TAOK1: variants seen among roughly 807,000 people sequenced by gnomAD.
TAOK1 encodes serine/threonine-protein kinase TAO1.
In TAOK1, 21 loss-of-function variants were observed where a neutral mutation model predicts 138.3. The observed-to-expected ratio is 0.15, with a 90% CI of 0.11 to 0.22. The LOEUF is 0.22. Ranked by LOEUF, TAOK1 falls within the 10% of genes least tolerant of loss-of-function variation. TAOK1 has a pLI of 1.00. For synonymous variants in TAOK1, 361 were observed against 398.4 expected, an observed-to-expected ratio of 0.91 and a Z score of 1.12; for missense variants, 651 against 1,227.7, an observed-to-expected ratio of 0.53 and a Z score of 7.02.
At chr17:29,480,615 T>C in intron 7 of TAOK1, 134 bp downstream of exon 7, 1 of 680,910 alleles carries the variant, frequency 1.5e-6, no homozygotes. Context: ...ACACCTGTAA[T>C]CCCAGAACTT....
intron 3 of TAOK1, among the ~76,000 whole-genome samples, chr17:29,470,285 G>A (rs1158693783): frequency 1.3e-5 from 2 of 152,132 alleles, no homozygotes; most frequent in African/African-American, 4.8e-5. Flanking sequence ...TTCCTGATAG[G>A]TATAGGTATT....
intron 1 of TAOK1, among the ~76,000 whole-genome samples, chr17:29,410,518 G>T (rs554217490): frequency 7.9e-5 from 12 of 151,850 alleles, no homozygotes; most frequent in African/African-American, 2.9e-4. Context: ...CTCCCAAAGT[G>T]CTGGGATAAC....
intron 1 of TAOK1, among the ~76,000 whole-genome samples, chr17:29,392,211 G>A (rs1037447370): frequency 6.6e-6 from 1 of 151,512 alleles, no homozygotes; most frequent in African/African-American, 2.4e-5. Flanking sequence ...GCGAGACTCC[G>A]TTTCAAAAAA....
At chr17:29,397,497 GGAA>G (rs1204117325) in intron 1 of TAOK1, among the ~76,000 whole-genome samples, 1 of 151,148 alleles carries the variant, frequency 6.6e-6, no homozygotes, top group East Asian at 1.9e-4. Flanking sequence ...CAGCTACTCA[GGAA>G]GTTGAGGCAG....
At chr17:29,472,775 C>T (rs2030853449) in intron 3 of TAOK1, among the ~76,000 whole-genome samples, 1 of 151,768 alleles carries the variant, frequency 6.6e-6, no homozygotes. Flanking sequence ...AGGGTTTCTC[C>T]ATGTCGGTCA....
chr17:29,468,135 A>ATTTTTCTTTTTTTTTTTTT (rs2030721009), intron 3 of TAOK1, among the ~76,000 whole-genome samples: 1 of 76,058 alleles, frequency 1.3e-5, no homozygotes. Flanking sequence ...CCTGCTTTCA[A>ATTTTTCTTTTTTTTTTTTT]TTTTTTTTTT....
rs189687146 is a variant in TAOK1, at chr17:29,484,931, T to G, written c.655+2643T>G. 2.4e-3 allele frequency among the ~76,000 whole-genome samples: 366 copies of G among 152,288 alleles called. 1 individual carries two copies. Among genetic ancestry groups the G allele is most frequent in the Non-Finnish European group, 2.9e-3 (200 of 68,012 alleles). On this transcript the variant is annotated intron_variant, in intron 8 of 19. Transcript: ENST00000261716. The stretch of plus-strand genomic sequence containing the variant: ...AAATCCGATTCAGTCTTGGGACACA[T>G]ATTTATGATAATATCCTTTTCTACT...
intron 3 of TAOK1, among the ~76,000 whole-genome samples, chr17:29,473,724 CT>C (rs1172221975): frequency 3.3e-5 from 5 of 151,502 alleles, no homozygotes; most frequent in Non-Finnish European, 7.4e-5. Flanking sequence ...ACTTTTCTTT[CT>C]TTCTTTTTCT....
Position 29,489,746 on chromosome 17 carries a change from G to A in TAOK1, c.738G>A (p.Gln246=), listed in dbSNP as rs767690384. 5 of 1,600,816 alleles carry A rather than the reference G, an allele frequency of 3.1e-6. No individual in the cohort carries two copies. The South Asian group carries it at 5.6e-5, about 18-fold the overall frequency. Reference sequence around the variant, plus strand: ...CCCAAAATGAATCCCCTACACTACAGTCTAATGAATGGTGAGTATTGTTAA... The same window carrying A: ...CCCAAAATGAATCCCCTACACTACAATCTAATGAATGGTGAGTATTGTTAA... The part of the protein sequence containing the change: ...HIAQNESPTL[Q]SNEWSDYFRN... The change falls in exon 9 of 20, where the codon CAG becomes CAA. Residue 246 remains glutamine (Q), a synonymous_variant. Coordinates refer to ENST00000261716, the MANE Select transcript of TAOK1 (RefSeq NM_020791.4).
At chr17:29,438,490 G>A (rs1906108334) in intron 1 of TAOK1, among the ~76,000 whole-genome samples, 1 of 152,160 alleles carries the variant, frequency 6.6e-6, no homozygotes, top group African/African-American at 2.4e-5. Context: ...TTCGAGAATA[G>A]CGTGGGTAAC....
intron 10 of TAOK1, among the ~76,000 whole-genome samples, chr17:29,494,329 A>T (rs2031366856): frequency 6.6e-6 from 1 of 151,746 alleles, no homozygotes. Flanking sequence ...CAGGAGTTTA[A>T]CTCTACCCCC....
At chr17:29,416,376 A>G (rs1178650727) in intron 1 of TAOK1, among the ~76,000 whole-genome samples, 1 of 152,010 alleles carries the variant, frequency 6.6e-6, no homozygotes, top group Non-Finnish European at 1.5e-5. Flanking sequence ...ATTTCAACGC[A>G]TAGAGAGAAA....
rs1275882965 is a variant in TAOK1 at position 29,455,969 on chromosome 17, T to A, written c.132+4289T>A. ...TCTAGTGTTGGCATCAGGGTAATAC[T>A]GGCTTCATAGGGTGAGTTAGGAAGT... is the stretch of plus-strand genomic sequence containing the variant. On this transcript the variant is annotated intron_variant, in intron 2 of 19. Transcript: ENST00000261716. 1.3e-5 allele frequency among the ~76,000 whole-genome samples: 2 copies of A among 150,344 alleles called. 1 individual carries two copies. The highest frequency in any genetic ancestry group is 5.0e-5 in the African/African-American group (2 of 39,686).
At chr17:29,452,267 A>AG (rs2030259494) in intron 2 of TAOK1, among the ~76,000 whole-genome samples, 1 of 152,136 alleles carries the variant, frequency 6.6e-6, no homozygotes, top group Non-Finnish European at 1.5e-5. Context: ...AGAAAGAAAA[A>AG]GAAAAAAATT....
intron 19 of TAOK1, among the ~76,000 whole-genome samples, chr17:29,541,480 T>TA (rs1217982499): frequency 6.6e-6 from 1 of 152,032 alleles, no homozygotes; most frequent in Non-Finnish European, 1.5e-5. Context: ...TAATAATTTT[T>TA]AAATGCATGT....
chr17:29,450,318 C>T (rs780671812), intron 1 of TAOK1, among the ~76,000 whole-genome samples: 1 of 152,198 alleles, frequency 6.6e-6, no homozygotes, highest in African/African-American at 2.4e-5. Flanking sequence ...AGCTCCTGGC[C>T]GCAAGTGATC....
intron 2 of TAOK1, among the ~76,000 whole-genome samples, chr17:29,454,370 T>C (rs1454045506): frequency 6.6e-6 from 1 of 152,206 alleles, no homozygotes; most frequent in Non-Finnish European, 1.5e-5. Flanking sequence ...AACTTTGTTA[T>C]TCTTCTTAAG....
chr17:29,542,949 C>T lies in TAOK1; in HGVS notation c.2933C>T (p.Thr978Met), dbSNP rs760657304. Residue 978 changes from threonine to methionine, a missense_variant, in exon 20 of 20, where the codon ACG (threonine) becomes ATG (methionine). By Grantham distance (81) the Thr-to-Met change is moderately conservative. This residue lies in a region of TAOK1 where 108 missense variants were observed against 120.3 expected (regional missense o/e 0.90). Transcript: ENST00000261716. ...AGGCGGACAGCTTCTGGGGGACGGACGGAGCAGGGCATGAGCAGAAGCACG... is the reference window on the plus strand; with the variant it reads ...AGGCGGACAGCTTCTGGGGGACGGATGGAGCAGGGCATGAGCAGAAGCACG... The part of the protein sequence containing the change: ...ALRRTASGGR[T>M]EQGMSRSTSV... 5.6e-6 allele frequency: 9 copies of T among 1,613,250 alleles called. No individual in the cohort carries two copies. Among genetic ancestry groups the T allele is most frequent in the South Asian group, 2.2e-5 (2 of 91,026 alleles).
At chr17:29,405,855 G>T (rs1197926546) in intron 1 of TAOK1, among the ~76,000 whole-genome samples, 1 of 152,118 alleles carries the variant, frequency 6.6e-6, no homozygotes. Context: ...AATGACATAC[G>T]TATTTCTTAT....
Sources: gnomAD v4.1 joint callset for allele counts (sites outside exome capture counted in the v4.1 genomes callset) on GRCh38, gnomAD v4.1.1 for gene constraint, gnomAD v4.1.1 regional missense constraint, MANE v1.5 for transcripts, NCBI Gene and HGNC (gene_info 2026-07-23, HGNC 2026-07-21) for gene names.